Variants in RCC2 observed in about 807,000 individuals in gnomAD.
RCC2 encodes the protein regulator of chromosome condensation 2.
In RCC2, 19 loss-of-function variants were observed where a neutral mutation model predicts 64.1. That is an observed-to-expected ratio of 0.30 (90% CI 0.21 to 0.44). RCC2 has a LOEUF of 0.44. Among genes scored for constraint, RCC2 ranks in the 20% least tolerant of loss-of-function variants. The pLI is 1.00. For missense variants in RCC2, 508 were observed against 710.4 expected (o/e 0.72, Z 3.24); for synonymous variants, 325 against 279.6 (o/e 1.16, Z -1.62).
At chr1:17,422,387 A>G in intron 5 of RCC2, 96 bp from the exon 6 acceptor site, 1 of 1,172,490 alleles carries the variant, frequency 8.5e-7, no homozygotes, top group Non-Finnish European at 1.2e-6. Context: ...AAAACAGCTC[A>G]TTTGCCAGGC....
At chr1:17,413,013 G>C in intron 10 of RCC2, 60 bp downstream of exon 10, 1 of 1,287,176 alleles carries the variant, frequency 7.8e-7, no homozygotes, top group Non-Finnish European at 1.1e-6. Flanking sequence ...CCCCATGGGT[G>C]TGTCTGACAC....
At chr1:17,423,433 G>A (rs1473500631) in intron 4 of RCC2, among the ~76,000 whole-genome samples, 1 of 152,194 alleles carries the variant, frequency 6.6e-6, no homozygotes, top group Non-Finnish European at 1.5e-5. Context: ...ACAAAGCACA[G>A]ATCCACCCTC....
Position 17,422,260 on chromosome 1 carries a change from G to A in RCC2, c.687C>T (p.Asn229=), listed in dbSNP as rs774067073. 4.3e-6 allele frequency: 7 copies of A among 1,611,422 alleles called. No individual in the cohort carries two copies. In the African/African-American group the frequency reaches 8.0e-5, roughly 18 times the overall value. The change falls in exon 6 of 13, where the codon AAC becomes AAT. Residue 229 remains asparagine, a synonymous_variant. Transcript: ENST00000375436. ...TGCCAAGGCCCAGCTGCCCCATCTT[G>A]TTTTCCCCAAACGCAAACACGGAGC... ...ETGSVFAFGE[N]KMGQLGLGNQ...
chr1:17,425,471 A>T (rs2075603976), intron 4 of RCC2, 70 bp downstream of exon 4: 1 of 1,441,294 alleles, frequency 6.9e-7, no homozygotes, highest in African/African-American at 1.4e-5. Context: ...CCAGGCAAAC[A>T]GAAGAACGTG....
rs146277648 is a variant in RCC2 at position 17,415,349 on chromosome 1, A to G, written c.1026+1131T>C. On this transcript the variant is annotated intron_variant, in intron 8 of 12. Coordinates refer to ENST00000375436, the MANE Select transcript of RCC2 (RefSeq NM_018715.4). ...GAATCCTAGCCCAGGCTTTTTCAAC[A>G]AAGCATAGAACAAAGAGACTCCTAG... Among the ~76,000 whole-genome samples, 928 of 152,300 alleles carry G rather than the reference A, an allele frequency of 6.1e-3. 5 individuals carry two copies. Among genetic ancestry groups the G allele is most frequent in the African/African-American group, 0.021 (857 of 41,564 alleles).
intron 6 of RCC2, 92 bp downstream of exon 6, chr1:17,422,111 A>T (rs1323947430): frequency 2.3e-6 from 2 of 863,234 alleles, no homozygotes; most frequent in Non-Finnish European, 3.7e-6. Context: ...ACAAGGGGTA[A>T]ATTAACTCAA....
rs1367626053 is a variant in RCC2, at chr1:17,422,284, G to C, written c.663C>G (p.Gly221=). The C allele has an allele frequency of 6.2e-7, 1 of 1,611,180 alleles. No individual in the cohort carries two copies. The highest frequency in any genetic ancestry group is 2.2e-5 in the East Asian group (1 of 44,830). ...RNHTLALTET[G]SVFAFGENKM... is the part of the protein sequence containing the mutation. Reference sequence around the variant, plus strand: ...TGTTTTCCCCAAACGCAAACACGGAGCCCGTTTCTGGAAGAAAGGAAAAAT... The same window carrying C: ...TGTTTTCCCCAAACGCAAACACGGACCCCGTTTCTGGAAGAAAGGAAAAAT... The change falls in exon 6 of 13, where the codon GGC becomes GGG. Residue 221 remains glycine (G), a synonymous_variant. Transcript: ENST00000375436.
At position 17,420,653 on chromosome 1, in the gene RCC2, A is replaced by G. The variant is rs564337684; in HGVS notation, c.859+61T>C. 13 of 1,072,834 alleles carry G rather than the reference A, an allele frequency of 1.2e-5. No homozygotes were observed. In the African/African-American group the frequency reaches 1.7e-4, roughly 14 times the overall value. 66.5% of individuals were successfully genotyped at this position (1,072,834 alleles called of 1,614,324 possible). On this transcript the variant is annotated intron_variant, in intron 7 of 12. Transcript: ENST00000375436. ...AACACGTGTGTGCAGCCCCACACTG[A>G]TCTCTAGTTCTGAATATATACAGTT...
At chr1:17,417,936 C>A (rs944377184) in intron 7 of RCC2, among the ~76,000 whole-genome samples, 3 of 152,148 alleles carry the variant, frequency 2.0e-5, no homozygotes, top group African/African-American at 7.2e-5. Flanking sequence ...CAAGTAAGAC[C>A]ATACAGTAGA....
intron 9 of RCC2, 81 bp downstream of exon 9, chr1:17,413,456 G>C (rs1171002288): frequency 3.3e-5 from 45 of 1,376,124 alleles, no homozygotes; most frequent in Non-Finnish European, 4.1e-5. Context: ...AGAGAATTGG[G>C]GTTCGTGGTC....
intron 5 of RCC2, 133 bp downstream of exon 5, chr1:17,422,572 A>G (rs1349130739): frequency 4.8e-5 from 59 of 1,229,104 alleles, no homozygotes; most frequent in Non-Finnish European, 6.4e-5. Flanking sequence ...CTCCATGCCA[A>G]GGTTCTCAGG....
intron 9 of RCC2, 130 bp from the exon 10 acceptor site, chr1:17,413,308 G>A (rs1040881117): frequency 3.6e-6 from 3 of 837,766 alleles, no homozygotes; most frequent in East Asian, 2.6e-5. Flanking sequence ...ACTGGAGCCA[G>A]GCGTGGTGGC....
chr1:17,423,879 T>A (rs565315805), intron 4 of RCC2, among the ~76,000 whole-genome samples: 1 of 152,332 alleles, frequency 6.6e-6, no homozygotes, highest in African/African-American at 2.4e-5. Flanking sequence ...CCAGCTGTCC[T>A]GGAGAAGGCT....
At position 17,420,702 on chromosome 1, in the gene RCC2, G is replaced by A. The variant is rs761491892; in HGVS notation, c.859+12C>T. On this transcript the variant is annotated intron_variant, in intron 7 of 12. Coordinates refer to ENST00000375436, the MANE Select transcript of RCC2 (RefSeq NM_018715.4). The stretch of plus-strand genomic sequence containing the variant: ...TTAGATTACAGAGCTTTTAAAAAAT[G>A]TACTTCCATACCCAGCTGACCATAT... 1 of 1,537,138 alleles carries A rather than the reference G, an allele frequency of 6.5e-7. No homozygotes were observed.
chr1:17,437,656 G>A (rs1220081812), intron 2 of RCC2, among the ~76,000 whole-genome samples: 5 of 151,704 alleles, frequency 3.3e-5, no homozygotes, highest in African/African-American at 1.2e-4. Flanking sequence ...CCCCGACCTC[G>A]GGGGAGGGCT....
intron 11 of RCC2, among the ~76,000 whole-genome samples, chr1:17,410,973 A>G (rs1290393377): frequency 6.6e-6 from 1 of 152,164 alleles, no homozygotes; most frequent in Non-Finnish European, 1.5e-5. Flanking sequence ...AATGTTTCAA[A>G]TCGGGCCACC....
At chr1:17,439,061 C>G (rs939253486) in intron 1 of RCC2, among the ~76,000 whole-genome samples, 7 of 151,968 alleles carry the variant, frequency 4.6e-5, no homozygotes, top group Non-Finnish European at 1.5e-5. Context: ...GACCCCCGTT[C>G]GGCCCCAGCT....
intron 2 of RCC2, among the ~76,000 whole-genome samples, chr1:17,432,936 C>A (rs920035143): frequency 4.0e-5 from 6 of 150,448 alleles, no homozygotes; most frequent in African/African-American, 1.2e-4. Context: ...CCAGACTGGG[C>A]GAAAGAGCGA....
intron 4 of RCC2, among the ~76,000 whole-genome samples, chr1:17,423,657 C>T (rs1464362815): frequency 6.6e-6 from 1 of 152,372 alleles, no homozygotes; most frequent in Non-Finnish European, 1.5e-5. Flanking sequence ...CACAAACTAC[C>T]AAGTTCCAAA....
Sources: gnomAD v4.1 joint callset for allele counts (sites outside exome capture counted in the v4.1 genomes callset) on GRCh38, gnomAD v4.1.1 for gene constraint, MANE v1.5 for transcripts, NCBI Gene and HGNC (gene_info 2026-07-23, HGNC 2026-07-21) for gene names.